Variants in DNAH14 observed in about 807,000 individuals in gnomAD.
The protein encoded by DNAH14 is axonemal beta dynein heavy chain 14.
A neutral mutation model predicts 520.9 loss-of-function variants in DNAH14; 478 were observed. That is an observed-to-expected ratio of 0.92 (90% CI 0.85 to 0.99). DNAH14 has a LOEUF of 0.99. DNAH14 is among the 50% of genes least tolerant of loss of function. The pLI, the probability that DNAH14 is intolerant of heterozygous loss-of-function variation, is 0.00. For missense variants in DNAH14, 4,831 were observed against 5,234.5 expected, an observed-to-expected ratio of 0.92 and a Z score of 2.38; for synonymous variants, 1,581 against 1,757.2, an observed-to-expected ratio of 0.90 and a Z score of 2.51.
chr1:225,297,880 A>G (rs918181463), intron 55 of DNAH14, among the ~76,000 whole-genome samples: 2 of 152,068 alleles, frequency 1.3e-5, no homozygotes, highest in Non-Finnish European at 1.5e-5. Context: ...AGAGTTGCCC[A>G]CTGGGTTGTT....
chr1:225,380,366 C>A (rs1283384445), intron 80 of DNAH14, 44 bp downstream of exon 80: 6 of 1,509,250 alleles, frequency 4.0e-6, no homozygotes, highest in Non-Finnish European at 5.3e-6. Context: ...TCACTCTCCT[C>A]AAGAAAGGAC....
At chr1:224,998,384 A>G (rs558851097) in intron 8 of DNAH14, among the ~76,000 whole-genome samples, 10 of 152,138 alleles carry the variant, frequency 6.6e-5, no homozygotes, top group Non-Finnish European at 8.8e-5. Context: ...TGATTTCGCA[A>G]TGCCTCTTTA....
intron 35 of DNAH14, among the ~76,000 whole-genome samples, chr1:225,163,567 A>G (rs78294464): frequency 2.0e-5 from 3 of 152,192 alleles, no homozygotes; most frequent in Non-Finnish European, 4.4e-5. Flanking sequence ...ATCCAGAAGG[A>G]TGATGAATTT....
At chr1:225,211,470 G>A (rs1934203) in intron 41 of DNAH14, among the ~76,000 whole-genome samples, 8,886 of 151,830 alleles carry the variant, frequency 0.059, 481 homozygotes, top group East Asian at 0.23. Flanking sequence ...GAAAAGGAAT[G>A]AACAAAGCCT....
chr1:225,330,500 G>A (rs1429045889), intron 64 of DNAH14, among the ~76,000 whole-genome samples: 5 of 152,170 alleles, frequency 3.3e-5, no homozygotes, highest in African/African-American at 7.2e-5. Flanking sequence ...CTTGTCATTT[G>A]CAACAACACT....
chr1:225,227,361 G>A (rs934331995), intron 41 of DNAH14, among the ~76,000 whole-genome samples: 2 of 152,134 alleles, frequency 1.3e-5, no homozygotes, highest in Admixed American at 6.5e-5. Flanking sequence ...CAAGCATACT[G>A]CCTGCAAACA....
At chr1:225,335,033 T>C (rs1309015808) in intron 66 of DNAH14, among the ~76,000 whole-genome samples, 1 of 148,772 alleles carries the variant, frequency 6.7e-6, no homozygotes, top group East Asian at 2.0e-4. Context: ...TATACATACA[T>C]ATATACACAT....
At chr1:225,162,694 GTCT>G (rs1559143050) in intron 35 of DNAH14, among the ~76,000 whole-genome samples, 1 of 151,874 alleles carries the variant, frequency 6.6e-6, no homozygotes, top group African/African-American at 2.4e-5. Context: ...ATTTTTTGTT[GTCT>G]TCTTCAATTT....
intron 4 of DNAH14, among the ~76,000 whole-genome samples, chr1:224,964,271 C>T (rs1488627264): frequency 6.6e-6 from 1 of 152,084 alleles, no homozygotes; most frequent in South Asian, 2.1e-4. Context: ...TTTGTGACAT[C>T]TTTCTTAAAT....
chr1:225,185,570 G>A, intron 37 of DNAH14, 145 bp downstream of exon 37: 1 of 842,564 alleles, frequency 1.2e-6, no homozygotes, highest in East Asian at 3.3e-5. Flanking sequence ...CATAATGAGT[G>A]GGATTTTTAA....
At chr1:224,952,233 C>T (rs1340961013) in intron 1 of DNAH14, among the ~76,000 whole-genome samples, 2 of 152,142 alleles carry the variant, frequency 1.3e-5, no homozygotes, top group African/African-American at 4.8e-5. Flanking sequence ...GTCTGAAGAA[C>T]GCTAGTAGTA....
intron 76 of DNAH14, among the ~76,000 whole-genome samples, chr1:225,365,823 G>A (rs970766739): frequency 3.9e-5 from 6 of 152,140 alleles, no homozygotes; most frequent in Admixed American, 3.9e-4. Flanking sequence ...GTCAGAGAGG[G>A]ACAGAAATAG....
chr1:225,134,128 A>C (rs1413880083), intron 27 of DNAH14, among the ~76,000 whole-genome samples: 1 of 152,076 alleles, frequency 6.6e-6, no homozygotes, highest in Admixed American at 6.6e-5. Context: ...CTTTTGGGCT[A>C]AGATGATGGG....
intron 42 of DNAH14, among the ~76,000 whole-genome samples, chr1:225,240,351 G>A (rs2091898663): frequency 6.6e-6 from 1 of 150,614 alleles, no homozygotes; most frequent in African/African-American, 2.4e-5. Context: ...AAGTATATTT[G>A]AAATAAAGTT....
At chr1:225,231,330 AT>A (rs1266834805) in intron 42 of DNAH14, among the ~76,000 whole-genome samples, 179 bp downstream of exon 42, 1 of 152,116 alleles carries the variant, frequency 6.6e-6, no homozygotes, top group Non-Finnish European at 1.5e-5. Context: ...AGATCACCAG[AT>A]TTATGCTGCA....
intron 27 of DNAH14, among the ~76,000 whole-genome samples, chr1:225,124,596 C>G (rs1046609499): frequency 5.3e-5 from 8 of 152,204 alleles, no homozygotes; most frequent in African/African-American, 1.9e-4. Context: ...GTCACATCTT[C>G]AGGCTCCACT....
chr1:225,299,156 A>C (rs754851625), intron 55 of DNAH14, among the ~76,000 whole-genome samples: 4 of 152,196 alleles, frequency 2.6e-5, no homozygotes, highest in Non-Finnish European at 5.9e-5. Context: ...AGAATATACT[A>C]TATTTACGTA....
At chr1:225,355,688 C>T (rs2095422217) in intron 73 of DNAH14, among the ~76,000 whole-genome samples, 1 of 152,080 alleles carries the variant, frequency 6.6e-6, no homozygotes, top group African/African-American at 2.4e-5. Flanking sequence ...GTATACATAT[C>T]TTGAAGTGAG....
intron 7 of DNAH14, among the ~76,000 whole-genome samples, chr1:224,972,535 G>A (rs909949542): frequency 3.3e-5 from 5 of 151,144 alleles, no homozygotes; most frequent in Non-Finnish European, 5.9e-5. Flanking sequence ...GCATGATCTC[G>A]GCTCACTGCA....
Sources: allele counts gnomAD v4.1 joint callset (sites outside exome capture counted in the v4.1 genomes callset), GRCh38; gene constraint gnomAD v4.1.1; transcripts MANE v1.5; gene names NCBI Gene and HGNC (gene_info 2026-07-23, HGNC 2026-07-21).